Variants in MCEE observed in about 807,000 individuals in gnomAD.
The protein encoded by MCEE is methylmalonyl-CoA epimerase, mitochondrial.
In MCEE, 6 loss-of-function variants were observed where a neutral mutation model predicts 12.9. That is an observed-to-expected ratio of 0.47 (90% CI 0.26 to 0.92). The LOEUF (loss-of-function observed/expected upper bound fraction) is 0.92, where lower values mean the gene tolerates loss of function less well. Among genes scored for constraint, MCEE ranks in the 40% least tolerant of loss-of-function variants. The pLI, the probability that MCEE is intolerant of heterozygous loss-of-function variation, is 0.16. For missense variants in MCEE, 214 were observed against 212.1 expected (o/e 1.01, Z -0.05); for synonymous variants, 78 against 77.9 (o/e 1.00, Z -0.01).
chr2:71,114,917 A>T (rs1277586517), intron 2 of MCEE, among the ~76,000 whole-genome samples: 3 of 152,204 alleles, frequency 2.0e-5, no homozygotes, highest in Admixed American at 2.0e-4. Context: ...TCATGATATA[A>T]TCATGACTTT....
chr2:71,110,179 G>C, intron 2 of MCEE, 57 bp from the exon 3 acceptor site: 1 of 1,512,062 alleles, frequency 6.6e-7, no homozygotes. Context: ...CCAACTTATA[G>C]TATCATAAGA....
Position 71,125,861 on chromosome 2 carries a change from T to G in MCEE, c.41-1318A>C, listed in dbSNP as rs150480413. ...ACAACAAACCAAGTTAGAAACTTAGTAAGTTTCATTGTTATCATGAAATCC... is the reference window on the plus strand; with the variant it reads ...ACAACAAACCAAGTTAGAAACTTAGGAAGTTTCATTGTTATCATGAAATCC... On this transcript the variant is annotated intron_variant, in intron 1 of 2. Transcript: ENST00000244217. Among the ~76,000 whole-genome samples the G allele has an allele frequency of 5.1e-3, 775 of 152,324 alleles. 5 individuals carry two copies. The highest frequency in any genetic ancestry group is 0.01 in the Middle Eastern group (3 of 294).
At chr2:71,116,508 G>A (rs34526978) in intron 2 of MCEE, among the ~76,000 whole-genome samples, 37,696 of 147,104 alleles carry the variant, frequency 0.26, 6,861 homozygotes, top group African/African-American at 0.44. Context: ...ACAATAACCC[G>A]AATAAAAAAT....
At chr2:71,125,205 A>ATTTTTTTT (rs1342992417) in intron 1 of MCEE, among the ~76,000 whole-genome samples, 2 of 42,656 alleles carry the variant, frequency 4.7e-5, no homozygotes, top group African/African-American at 7.8e-5. Context: ...ATATATATAT[A>ATTTTTTTT]TATATATTTT....
chr2:71,110,506 A>G (rs550040489), intron 2 of MCEE, among the ~76,000 whole-genome samples: 10 of 152,266 alleles, frequency 6.6e-5, no homozygotes, highest in Admixed American at 2.0e-4. Flanking sequence ...ACATAAATTG[A>G]CTACAGATTA....
In MCEE at chr2:71,124,444, C is replaced by A. The variant is rs377624743; in HGVS notation, c.140G>T (p.Arg47Leu). ...QVTGSVWNLG[R>L]LNHVAIAVPD... ...CACTGCTATGGCTACATGGTTGAGT[C>A]GACCCAGGTTCCACACAGAACCTGT... Residue 47 changes from arginine (R) to leucine (L), a missense_variant, in exon 2 of 3, where the codon CGA becomes CTA. Physicochemically the swap from Arg to Leu is moderately radical, Grantham distance 102. Coordinates refer to ENST00000244217, the MANE Select transcript of MCEE (RefSeq NM_032601.4). The A allele has an allele frequency of 1.7e-5, 27 of 1,613,986 alleles. No individual in the cohort carries two copies. In the Admixed American group the frequency reaches 2.5e-4, roughly 15 times the overall value.
intron 1 of MCEE, among the ~76,000 whole-genome samples, chr2:71,127,889 G>A (rs1212398305): frequency 6.6e-6 from 1 of 152,226 alleles, no homozygotes; most frequent in African/African-American, 2.4e-5. Context: ...GCCTCCCAAA[G>A]TGCTGGGATT....
At chr2:71,126,057 C>T (rs149451598) in intron 1 of MCEE, among the ~76,000 whole-genome samples, 1 of 152,190 alleles carries the variant, frequency 6.6e-6, no homozygotes, top group East Asian at 1.9e-4. Flanking sequence ...CCATGTTGCC[C>T]AGGCTGCCCA....
At chr2:71,130,097 C>A in intron 1 of MCEE, 83 bp downstream of exon 1, 1 of 1,401,188 alleles carries the variant, frequency 7.1e-7, no homozygotes. Context: ...GGTGCTTTGG[C>A]CACGCCGAGG....
intron 2 of MCEE, among the ~76,000 whole-genome samples, chr2:71,113,228 G>A (rs1393517002): frequency 6.6e-6 from 1 of 152,168 alleles, no homozygotes; most frequent in African/African-American, 2.4e-5. Flanking sequence ...ATGCTCTGAG[G>A]AGTTTATGAC....
At chr2:71,117,940 C>G (rs543649510) in intron 2 of MCEE, among the ~76,000 whole-genome samples, 1 of 149,930 alleles carries the variant, frequency 6.7e-6, no homozygotes, top group East Asian at 1.9e-4. Context: ...CGTGGGGCTG[C>G]CCTCTTCATC....
Position 71,118,873 on chromosome 2 carries a change from G to A in MCEE, c.378+5333C>T, listed in dbSNP as rs960857142. Among the ~76,000 whole-genome samples the A allele has an allele frequency of 4.0e-5, 6 of 149,652 alleles. 1 individual carries two copies. The highest frequency in any genetic ancestry group is 1.3e-4 in the African/African-American group (5 of 39,234). ...TCAAGATGCTCCCTTGGGCACAAAC[G>A]CACAAACCCTGCTCAGACTCGGACA... On this transcript the variant is annotated intron_variant, in intron 2 of 2. Transcript: ENST00000244217.
intron 2 of MCEE, chr2:71,116,995 A>G (rs1227038702): frequency 1.9e-4 from 28 of 150,728 alleles, no homozygotes; most frequent in Admixed American, 1.8e-3. Context: ...ATTTTATGAA[A>G]AAGTAATAAT....
rs200248524 is a variant in MCEE, at chr2:71,116,548, CTT to C, written c.379-6428_379-6427del. On this transcript the variant is annotated intron_variant, in intron 2 of 2. Transcript: ENST00000244217. ...GGATTGTCACAATCAGAATTCAAAA[CTT>C]TTTTTTTTTTTTTTTGAGATGGAGT... 1.0e-3 allele frequency among the ~76,000 whole-genome samples: 133 copies of C among 128,914 alleles called. 3 individuals are homozygous for C. The highest frequency in any genetic ancestry group is 2.7e-3 in the African/African-American group (84 of 31,280). The allele number at this position is 128,914 out of a possible 152,430, so 84.6% of individuals were successfully genotyped here. A position where few individuals can be genotyped will look rare whatever the true frequency, so the allele number is the denominator to read the frequency against.
chr2:71,128,663 G>A (rs1673292683), intron 1 of MCEE, among the ~76,000 whole-genome samples: 1 of 151,370 alleles, frequency 6.6e-6, no homozygotes, highest in South Asian at 2.1e-4. Flanking sequence ...CCGAGTACCC[G>A]GGATAACAGG....
At chr2:71,115,177 A>G (rs1169267713) in intron 2 of MCEE, among the ~76,000 whole-genome samples, 1 of 151,964 alleles carries the variant, frequency 6.6e-6, no homozygotes, top group Non-Finnish European at 1.5e-5. Flanking sequence ...GATGGCTTGA[A>G]CCCAGGAGTT....
At chr2:71,117,525 A>G (rs1673018195) in intron 2 of MCEE, 1 of 150,400 alleles carries the variant, frequency 6.6e-6, no homozygotes, top group Non-Finnish European at 1.5e-5. Context: ...TTACCTCACT[A>G]GCCTGTTACT....
intron 1 of MCEE, among the ~76,000 whole-genome samples, chr2:71,125,561 T>C (rs962215272): frequency 6.6e-6 from 1 of 151,836 alleles, no homozygotes; most frequent in Non-Finnish European, 1.5e-5. Context: ...CAGGCTGGTC[T>C]CAAACTCCTG....
chr2:71,115,865 G>A (rs371605663), intron 2 of MCEE, among the ~76,000 whole-genome samples: 12 of 149,570 alleles, frequency 8.0e-5, no homozygotes, highest in South Asian at 2.1e-4. Flanking sequence ...TAATGTAGAC[G>A]ACGGGTTAAT....
Sources: gnomAD v4.1 joint callset for allele counts (sites outside exome capture counted in the v4.1 genomes callset) on GRCh38, gnomAD v4.1.1 for gene constraint, MANE v1.5 for transcripts, NCBI Gene and HGNC (gene_info 2026-07-23, HGNC 2026-07-21) for gene names.